Variants in MGRN1 observed in about 807,000 individuals in gnomAD.
MGRN1 encodes mahogunin ring finger 1.
A neutral mutation model predicts 69.2 loss-of-function variants in MGRN1; 29 were observed. The observed-to-expected ratio is 0.42, with a 90% CI of 0.31 to 0.57. MGRN1 has a LOEUF of 0.57. Ranked by LOEUF, MGRN1 falls within the 20% of genes least tolerant of loss-of-function variation. The pLI is 0.15. For missense variants in MGRN1, 998 were observed against 796.2 expected (o/e 1.25, Z -3.05); for synonymous variants, 470 against 344.2 (o/e 1.37, Z -4.04).
intron 16 of MGRN1, chr16:4,688,076 G>A (rs1596323915): frequency 9.1e-6 from 9 of 985,382 alleles, no homozygotes; most frequent in South Asian, 4.7e-5. Context: ...CTCTCGCCGC[G>A]GCCCCCGAAG....
At chr16:4,639,469 C>T (rs1001327950) in intron 1 of MGRN1, among the ~76,000 whole-genome samples, 5 of 152,168 alleles carry the variant, frequency 3.3e-5, no homozygotes, top group Admixed American at 6.6e-5. Flanking sequence ...GCAACCTTCA[C>T]CATTGGGCAT....
chr16:4,652,999 C>T (rs1344095052), intron 4 of MGRN1, among the ~76,000 whole-genome samples, 175 bp downstream of exon 4: 1 of 152,100 alleles, frequency 6.6e-6, no homozygotes, highest in Admixed American at 6.5e-5. Flanking sequence ...CCCCACTTTT[C>T]TGCGGGAACC....
At chr16:4,648,827 G>A (rs1286626843) in intron 1 of MGRN1, among the ~76,000 whole-genome samples, 3 of 130,270 alleles carry the variant, frequency 2.3e-5, no homozygotes, top group Admixed American at 7.2e-5. Flanking sequence ...GTGGTCACCC[G>A]GGTCCTCCTC....
chr16:4,641,761 C>G (rs960334489), intron 1 of MGRN1, among the ~76,000 whole-genome samples: 2 of 152,060 alleles, frequency 1.3e-5, no homozygotes, highest in African/African-American at 2.4e-5. Context: ...TCAGGTGATT[C>G]GCCTGCCTCG....
At chr16:4,680,427 C>G in intron 12 of MGRN1, 1 of 304,378 alleles carries the variant, frequency 3.3e-6, no homozygotes, top group Non-Finnish European at 6.3e-6. Flanking sequence ...CTGCGTTTTG[C>G]AATCGCGCCC....
chr16:4,683,022 C>A, intron 14 of MGRN1, 76 bp downstream of exon 14: 1 of 1,487,498 alleles, frequency 6.7e-7, no homozygotes, highest in East Asian at 2.4e-5. Flanking sequence ...GGAATCAGAC[C>A]CCATCCCACT....
intron 11 of MGRN1, among the ~76,000 whole-genome samples, chr16:4,678,127 C>A (rs1175355879): frequency 1.3e-5 from 2 of 152,182 alleles, no homozygotes; most frequent in African/African-American, 4.8e-5. Context: ...GATTACAGGC[C>A]TGAGCCACCG....
At position 4,629,733 on chromosome 16, in the gene MGRN1, G is replaced by A. The variant is rs1397029307; in HGVS notation, c.88+4685G>A. On this transcript the variant is annotated intron_variant, in intron 1 of 16. Coordinates refer to ENST00000262370, the MANE Select transcript of MGRN1 (RefSeq NM_015246.4). The stretch of plus-strand genomic sequence containing the variant: ...CAGCCTGGTGAAAGAGCGAGACACC[G>A]TCTCAAAAAAAAAAAAAAAATCATA... 7.9e-4 allele frequency among the ~76,000 whole-genome samples: 110 copies of A among 139,702 alleles called. 1 individual carries two copies. Among genetic ancestry groups the A allele is most frequent in the Non-Finnish European group, 1.0e-3 (66 of 65,840 alleles). 91.6% of individuals were successfully genotyped at this position (139,702 alleles called of 152,430 possible).
At chr16:4,657,814 C>T (rs1041781447) in intron 5 of MGRN1, among the ~76,000 whole-genome samples, 60 of 136,344 alleles carry the variant, frequency 4.4e-4, no homozygotes, top group Admixed American at 2.2e-3. Context: ...GGCGCGATCT[C>T]GGATCACTAC....
Position 4,624,989 on chromosome 16 carries a change from C to CG in MGRN1, c.34dup (p.Val12GlyfsTer39). The CG allele has an allele frequency of 6.4e-7, 1 of 1,557,958 alleles. No homozygotes were observed. Among genetic ancestry groups the CG allele is most frequent in the Admixed American group, 1.9e-5 (1 of 53,466 alleles). ...GGCTCCATTCTCAGCCGCCGCATCG[C>CG]GGGGGTGGAGGACATCGACATCCAG... On this transcript the variant is annotated frameshift_variant, in exon 1 of 17. Coordinates refer to ENST00000262370, the MANE Select transcript of MGRN1 (RefSeq NM_015246.4). LOFTEE classifies it high-confidence loss of function.
intron 12 of MGRN1, among the ~76,000 whole-genome samples, chr16:4,681,009 G>C (rs922741210): frequency 1.3e-5 from 2 of 152,224 alleles, no homozygotes. Context: ...TTCTTCCTCA[G>C]CCTTGTTGAT....
At chr16:4,643,864 A>C (rs1026001171) in intron 1 of MGRN1, among the ~76,000 whole-genome samples, 1 of 152,232 alleles carries the variant, frequency 6.6e-6, no homozygotes, top group African/African-American at 2.4e-5. Context: ...AAACATTGGA[A>C]ATATGTCTCT....
At chr16:4,670,992 C>T (rs2278567) in intron 8 of MGRN1, among the ~76,000 whole-genome samples, 71,452 of 152,134 alleles carry the variant, frequency 0.47, 17,061 homozygotes, top group East Asian at 0.65. Flanking sequence ...AGGCTTCATG[C>T]CTTTTGGAAG....
At chr16:4,650,012 CTG>C (rs2078365357) in intron 1 of MGRN1, 3 of 187,720 alleles carry the variant, frequency 1.6e-5, no homozygotes, top group South Asian at 1.7e-4. Context: ...GAGTCGATAA[CTG>C]TTTCCAGGCT....
Position 4,686,253 on chromosome 16 carries a change from G to C in MGRN1, c.1618+2321G>C, listed in dbSNP as rs567726542. The C allele has an allele frequency of 1.5e-5, 23 of 1,542,806 alleles. No homozygotes were observed. The African/African-American group carries it at 2.9e-4, about 19-fold the overall frequency. ...CTTCCGTCTGTCTCTCCCCCTCTCCGCGCAGCCCTGGGGCCCGACTCCTGC... is the reference window on the plus strand; with the variant it reads ...CTTCCGTCTGTCTCTCCCCCTCTCCCCGCAGCCCTGGGGCCCGACTCCTGC... On this transcript the variant is annotated intron_variant, in intron 16 of 16. Coordinates refer to ENST00000262370, the MANE Select transcript of MGRN1 (RefSeq NM_015246.4).
intron 1 of MGRN1, among the ~76,000 whole-genome samples, chr16:4,625,942 G>C (rs11647607): frequency 6.6e-6 from 1 of 152,200 alleles, no homozygotes; most frequent in Non-Finnish European, 1.5e-5. Flanking sequence ...TGATGTCTCA[G>C]TCTCCTGGGT....
Position 4,681,761 on chromosome 16 carries a change from G to C in MGRN1, c.1343G>C (p.Ser448Thr), listed in dbSNP as rs769483930. The C allele has an allele frequency of 5.3e-5, 85 of 1,611,636 alleles. No individual in the cohort carries two copies. In the Middle Eastern group the frequency reaches 6.7e-4, roughly 13 times the overall value. The change falls in exon 13 of 17, where the codon AGC (serine) becomes ACC (threonine). Residue 448 changes from serine to threonine, a missense_variant. Coordinates refer to ENST00000262370, the MANE Select transcript of MGRN1 (RefSeq NM_015246.4). ...DSSRQKGRPQSKAPDSTLRSP... is the reference protein window; with the variant it reads ...DSSRQKGRPQTKAPDSTLRSP... ...AGCCGCCAGAAGGGCAGGCCGCAGA[G>C]CAAGGCCCCCGACAGGTGAGCAGCA...
chr16:4,638,118 T>C (rs1044320587), intron 1 of MGRN1, among the ~76,000 whole-genome samples: 1 of 152,160 alleles, frequency 6.6e-6, no homozygotes, highest in African/African-American at 2.4e-5. Context: ...TTAATTGGCA[T>C]TTTTTATCCT....
intron 1 of MGRN1, among the ~76,000 whole-genome samples, chr16:4,641,044 G>A (rs939850936): frequency 1.3e-5 from 2 of 152,202 alleles, no homozygotes; most frequent in South Asian, 2.1e-4. Context: ...TTCCACCTGC[G>A]TTCTTTCACC....
Sources: gnomAD v4.1 joint callset for allele counts (sites outside exome capture counted in the v4.1 genomes callset) on GRCh38, gnomAD v4.1.1 for gene constraint, MANE v1.5 for transcripts, NCBI Gene and HGNC (gene_info 2026-07-23, HGNC 2026-07-21) for gene names.